TMEM164: variants seen among roughly 807,000 people sequenced by gnomAD.
TMEM164 encodes the protein RP13-360B22.2.
Under a neutral mutation model 18.8 loss-of-function variants are expected in TMEM164, and 4 were observed. That is an observed-to-expected ratio of 0.21 (90% CI 0.10 to 0.49). The LOEUF (loss-of-function observed/expected upper bound fraction) is 0.49, where lower values mean the gene tolerates loss of function less well. Among genes scored for constraint, TMEM164 ranks in the 20% least tolerant of loss-of-function variants. The pLI is 0.98. For missense variants in TMEM164, 108 were observed against 239.9 expected (o/e 0.45, Z 3.63); for synonymous variants, 86 against 101.7 (o/e 0.85, Z 0.93).
chrX:110,067,089 G>A (rs766768723), intron 2 of TMEM164, among the ~76,000 whole-genome samples: 5 of 109,422 alleles, frequency 4.6e-5, no homozygotes, highest in Non-Finnish European at 7.6e-5. Flanking sequence ...TACTTGTGTC[G>A]TATTGAAACT....
At position 110,175,693 on chromosome X, in the gene TMEM164, C is replaced by CT. The variant is rs1210129369; in HGVS notation, c.*2246dup. The CT allele has an allele frequency of 9.5e-6, 7 of 735,919 alleles. No homozygotes were observed. The Admixed American group carries it at 5.2e-4, about 55-fold the overall frequency. 60.6% of individuals were successfully genotyped at this position (735,919 alleles called of 1,213,427 possible). A position where few individuals can be genotyped will look rare whatever the true frequency, so the allele number is the denominator to read the frequency against. ...GAAGAAGTAAAGGGGGCATGCAGGG[C>CT]TTTTGGGGGCCAGATTGGCTCAGAA... On this transcript the variant is annotated 3_prime_UTR_variant, in exon 7 of 7. Transcript: ENST00000372068.
chrX:110,017,481 TCCC>T (rs1189684135), intron 2 of TMEM164, among the ~76,000 whole-genome samples: 2 of 1,152 alleles, frequency 1.7e-3, no homozygotes, highest in Non-Finnish European at 0.024. Context: ...CTTCCCTCCC[TCCC>T]TCCCTCCCTC....
At chrX:110,037,024 A>G (rs1350327940) in intron 2 of TMEM164, among the ~76,000 whole-genome samples, 1 of 111,401 alleles carries the variant, frequency 9.0e-6, no homozygotes, top group Non-Finnish European at 1.9e-5. Context: ...TGGCCAAAAG[A>G]AGCTGGGTAT....
chrX:110,006,535 A>G (rs954050400), intron 2 of TMEM164, among the ~76,000 whole-genome samples: 2 of 110,480 alleles, frequency 1.8e-5, no homozygotes, highest in Non-Finnish European at 3.8e-5. Context: ...TATACCCTCC[A>G]TATGGCTTTT....
At chrX:110,144,475 C>A (rs2066822123) in intron 4 of TMEM164, among the ~76,000 whole-genome samples, 1 of 111,261 alleles carries the variant, frequency 9.0e-6, no homozygotes, top group Admixed American at 9.5e-5. Flanking sequence ...CCACTCAGGT[C>A]CTTCATATTC....
chrX:110,036,235 T>G (rs761684444), intron 2 of TMEM164, among the ~76,000 whole-genome samples: 1 of 111,757 alleles, frequency 8.9e-6, no homozygotes, highest in East Asian at 2.8e-4. Context: ...GTTACCCCCT[T>G]TCATCTTTCT....
At chrX:110,005,909 G>T (rs1221854508) in intron 2 of TMEM164, among the ~76,000 whole-genome samples, 1 of 111,511 alleles carries the variant, frequency 9.0e-6, no homozygotes, top group Non-Finnish European at 1.9e-5. Flanking sequence ...CTAGAAGGTC[G>T]ACAAAGGACT....
intron 2 of TMEM164, among the ~76,000 whole-genome samples, chrX:110,004,799 T>A (rs992061535): frequency 1.8e-5 from 2 of 111,992 alleles, no homozygotes; most frequent in African/African-American, 6.5e-5. Flanking sequence ...GTGATCACTA[T>A]GGTGAGAGGG....
At chrX:110,182,967 G>A (rs1453490679), downstream of TMEM164, among the ~76,000 whole-genome samples, 2 of 112,296 alleles carry the variant, frequency 1.8e-5, no homozygotes, top group Non-Finnish European at 3.8e-5. Flanking sequence ...CCCCCAGAGA[G>A]CTTAGCAAGA....
intron 5 of TMEM164, among the ~76,000 whole-genome samples, chrX:110,152,482 T>C (rs2066957479): frequency 9.0e-6 from 1 of 111,679 alleles, no homozygotes; most frequent in Non-Finnish European, 1.9e-5. Context: ...ATGTTTATAG[T>C]TCCTTTTATT....
chrX:110,053,683 T>G (rs1379729743), intron 2 of TMEM164, among the ~76,000 whole-genome samples: 1 of 111,489 alleles, frequency 9.0e-6, no homozygotes, highest in Non-Finnish European at 1.9e-5. Context: ...ATCCCTCCCA[T>G]GGGTTGGCCT....
chrX:110,109,622 C>T (rs1271057913), intron 4 of TMEM164, among the ~76,000 whole-genome samples: 4 of 112,486 alleles, frequency 3.6e-5, no homozygotes, highest in Admixed American at 9.4e-5. Context: ...AAGGGGCTCT[C>T]GTTAGATTCA....
intron 4 of TMEM164, among the ~76,000 whole-genome samples, chrX:110,127,341 C>T (rs1485232664): frequency 6.3e-5 from 7 of 110,749 alleles, no homozygotes; most frequent in Admixed American, 2.9e-4. Context: ...GGAGAAACCC[C>T]GTCTGTACTA....
chrX:110,152,612 T>C (rs1161833148), intron 5 of TMEM164, among the ~76,000 whole-genome samples: 3 of 111,725 alleles, frequency 2.7e-5, no homozygotes, highest in Non-Finnish European at 5.6e-5. Flanking sequence ...GTTTATTAAA[T>C]AGTCCAACAT....
chrX:110,041,830 T>C (rs1311168969), intron 2 of TMEM164, among the ~76,000 whole-genome samples: 1 of 111,341 alleles, frequency 9.0e-6, no homozygotes, highest in Non-Finnish European at 1.9e-5. Context: ...GACAAATGCA[T>C]ACAGTTCTAT....
intron 4 of TMEM164, among the ~76,000 whole-genome samples, chrX:110,139,239 T>C (rs1244917404): frequency 8.9e-6 from 1 of 112,313 alleles, no homozygotes; most frequent in African/African-American, 3.2e-5. Context: ...GGATAGGATC[T>C]AGTACAGGAG....
intron 2 of TMEM164, among the ~76,000 whole-genome samples, 193 bp from the exon 3 acceptor site, chrX:110,067,154 G>GCACACACACA (rs56336159): frequency 6.9e-5 from 7 of 101,612 alleles, no homozygotes; most frequent in African/African-American, 2.5e-4. Context: ...TCATGTGTGC[G>GCACACACACA]CACACACACA....
chrX:110,003,792 C>T lies in TMEM164; in HGVS notation c.18C>T (p.Tyr6=), dbSNP rs764396120. 7 of 1,201,526 alleles carry T rather than the reference C, an allele frequency of 5.8e-6. No individual in the cohort carries two copies. The South Asian group carries it at 1.1e-4, about 19-fold the overall frequency. MSRYS[Y]QSLLDWLYGG... is the part of the protein sequence containing the mutation. ...ACTGCATCATGTCCCGGTATAGCTACCAGAGTCTCCTGGACTGGCTCTATG... is the reference window on the plus strand; with the variant it reads ...ACTGCATCATGTCCCGGTATAGCTATCAGAGTCTCCTGGACTGGCTCTATG... Residue 6 remains tyrosine (Y), a synonymous_variant, in exon 2 of 7, where the codon TAC becomes TAT. Transcript: ENST00000372068.
intron 2 of TMEM164, among the ~76,000 whole-genome samples, chrX:110,010,540 C>G (rs772684831): frequency 1.8e-5 from 2 of 112,173 alleles, no homozygotes; most frequent in South Asian, 7.4e-4. Flanking sequence ...TGATTCTGAG[C>G]AGGTCTAGGG....
Sources: gnomAD v4.1 joint callset for allele counts (sites outside exome capture counted in the v4.1 genomes callset) on GRCh38, gnomAD v4.1.1 for gene constraint, MANE v1.5 for transcripts, NCBI Gene and HGNC (gene_info 2026-07-23, HGNC 2026-07-21) for gene names.